The following RNF13 variants were observed in gnomAD, a reference collection of about 807,000 sequenced individuals.
RNF13 encodes the protein E3 ubiquitin-protein ligase RNF13.
Under a neutral mutation model 37.7 loss-of-function variants are expected in RNF13, and 19 were observed. The ratio of observed to expected loss-of-function variants is 0.50; its 90% CI spans 0.35 to 0.74. RNF13 has a LOEUF of 0.74. RNF13 is among the 30% of genes least tolerant of loss of function. The pLI is 0.01. For synonymous variants in RNF13, 144 were observed against 157.8 expected (o/e 0.91, Z 0.65); for missense variants, 375 against 453.0 (o/e 0.83, Z 1.56).
chr3:149,861,689 A>G (rs188391133), intron 3 of RNF13, among the ~76,000 whole-genome samples: 2 of 152,226 alleles, frequency 1.3e-5, no homozygotes, highest in South Asian at 2.1e-4. Context: ...ATGCAGTTAG[A>G]TAGAAGGTAT....
At chr3:149,922,346 G>GTA in intron 8 of RNF13, among the ~76,000 whole-genome samples, 1 of 152,320 alleles carries the variant, frequency 6.6e-6, no homozygotes, top group Non-Finnish European at 1.5e-5. Flanking sequence ...CTAACGCTAA[G>GTA]TAGACTTTCA....
At chr3:149,902,682 C>T (rs1173118638) in intron 6 of RNF13, among the ~76,000 whole-genome samples, 1 of 151,998 alleles carries the variant, frequency 6.6e-6, no homozygotes, top group Non-Finnish European at 1.5e-5. Context: ...AGATAACATA[C>T]AGACTGAAAT....
chr3:149,889,761 T>C (rs1295000991), intron 4 of RNF13, among the ~76,000 whole-genome samples: 1 of 151,290 alleles, frequency 6.6e-6, no homozygotes, highest in Non-Finnish European at 1.5e-5. Flanking sequence ...TTCAAGCAAT[T>C]CTCCTGCCTC....
chr3:149,866,671 T>C (rs1330750829), intron 3 of RNF13, among the ~76,000 whole-genome samples: 4 of 152,224 alleles, frequency 2.6e-5, no homozygotes, highest in African/African-American at 9.6e-5. Context: ...CTGACATGTT[T>C]ATTACTATAA....
In RNF13 at chr3:149,884,866, G is replaced by GT. The variant is rs59667657; in HGVS notation, c.322-10597dup. Among the ~76,000 whole-genome samples, 169 of 144,732 alleles carry GT rather than the reference G, an allele frequency of 1.2e-3. No individual in the cohort carries two copies. The East Asian group carries it at 0.013, about 11-fold the overall frequency. 94.9% of individuals were successfully genotyped at this position (144,732 alleles called of 152,430 possible). A position where few individuals can be genotyped will look rare whatever the true frequency, so the allele number is the denominator to read the frequency against. ...TATTTATTCTGTGTGTGTGTGTGTG[G>GT]TTTTTTTTTTGTACCCATTAACCAT... On this transcript the variant is annotated intron_variant, in intron 4 of 9. Coordinates refer to ENST00000392894, the MANE Select transcript of RNF13 (RefSeq NM_183381.3).
intron 6 of RNF13, among the ~76,000 whole-genome samples, chr3:149,910,485 C>T (rs1228894954): frequency 6.6e-6 from 1 of 151,736 alleles, no homozygotes; most frequent in East Asian, 1.9e-4. Context: ...TGATAGAGCC[C>T]CTTGTGTGTG....
intron 4 of RNF13, among the ~76,000 whole-genome samples, chr3:149,889,292 CGTGTGTGTGTGTGTGTGTGTGT>C (rs376618726): frequency 4.9e-4 from 68 of 138,222 alleles, no homozygotes; most frequent in African/African-American, 1.9e-3. Flanking sequence ...TTTGAGTGTG[CGTGTGTGTGTGTGTGTGTGTGT>C]GTGTGTGTGT....
At chr3:149,856,218 T>G (rs1411570048) in intron 3 of RNF13, among the ~76,000 whole-genome samples, 1 of 152,024 alleles carries the variant, frequency 6.6e-6, no homozygotes, top group Admixed American at 6.5e-5. Flanking sequence ...TATTGGATTA[T>G]TATGGGTAGC....
intron 9 of RNF13, among the ~76,000 whole-genome samples, chr3:149,960,439 A>C (rs1342116118): frequency 2.0e-5 from 3 of 151,990 alleles, no homozygotes; most frequent in Non-Finnish European, 4.4e-5. Context: ...AAAATACAAA[A>C]AATTAGCTGG....
At chr3:149,851,742 C>T (rs1256868948) in intron 2 of RNF13, 4 of 152,172 alleles carry the variant, frequency 2.6e-5, no homozygotes, top group Admixed American at 2.6e-4. Context: ...TGTTTACTAT[C>T]TATGAAACTC....
chr3:149,937,624 T>G (rs1719834174), intron 8 of RNF13, among the ~76,000 whole-genome samples: 1 of 152,196 alleles, frequency 6.6e-6, no homozygotes, highest in African/African-American at 2.4e-5. Context: ...TGTATTTTTA[T>G]TTTCACTTAG....
chr3:149,846,635 A>T (rs549638788), intron 2 of RNF13, among the ~76,000 whole-genome samples: 1 of 152,236 alleles, frequency 6.6e-6, no homozygotes, highest in Non-Finnish European at 1.5e-5. Context: ...CTTCATATCT[A>T]ATGTAAGATC....
chr3:149,931,508 T>C (rs760017755), intron 8 of RNF13, among the ~76,000 whole-genome samples: 9 of 152,190 alleles, frequency 5.9e-5, no homozygotes, highest in Non-Finnish European at 1.3e-4. Flanking sequence ...CTAACATATA[T>C]ATATTCAGTG....
chr3:149,842,324 G>C (rs947340244), intron 1 of RNF13, among the ~76,000 whole-genome samples: 11 of 152,076 alleles, frequency 7.2e-5, no homozygotes, highest in African/African-American at 2.7e-4. Flanking sequence ...TCTCACTGTG[G>C]TCTTCCTTCT....
chr3:149,886,711 A>G (rs1207979318), intron 4 of RNF13, among the ~76,000 whole-genome samples: 1 of 152,180 alleles, frequency 6.6e-6, no homozygotes, highest in East Asian at 1.9e-4. Flanking sequence ...TTTTAACCTG[A>G]AGTATGATGT....
Position 149,895,468 on chromosome 3 carries a change from T to C in RNF13, c.322-5T>C. 1 of 1,519,330 alleles carries C rather than the reference T, an allele frequency of 6.6e-7. No homozygotes were observed. The highest frequency in any genetic ancestry group is 8.9e-7 in the Non-Finnish European group (1 of 1,119,138). 94.1% of individuals were successfully genotyped at this position (1,519,330 alleles called of 1,614,324 possible). A position where few individuals can be genotyped will look rare whatever the true frequency, so the allele number is the denominator to read the frequency against. The stretch of plus-strand genomic sequence containing the variant: ...TAATTTTTTTTTTTTTTTTTTGCTT[T>C]GCAGGTTTTAAATGCACAGAGAGCA... On this transcript the variant is annotated splice_region_variant and splice_polypyrimidine_tract_variant and intron_variant, in intron 4 of 9. Coordinates refer to ENST00000392894, the MANE Select transcript of RNF13 (RefSeq NM_183381.3).
At chr3:149,918,331 C>A (rs2108530462) in intron 7 of RNF13, among the ~76,000 whole-genome samples, 1 of 152,198 alleles carries the variant, frequency 6.6e-6, no homozygotes, top group Admixed American at 6.5e-5. Flanking sequence ...CTATAGTCTT[C>A]TAAATTTTTT....
intron 4 of RNF13, among the ~76,000 whole-genome samples, chr3:149,885,344 C>T (rs1713904297): frequency 6.6e-6 from 1 of 152,188 alleles, no homozygotes; most frequent in South Asian, 2.1e-4. Flanking sequence ...TACATTCCTA[C>T]CAACAGTGTA....
At chr3:149,845,559 A>G (rs1434572153) in intron 1 of RNF13, among the ~76,000 whole-genome samples, 2 of 152,230 alleles carry the variant, frequency 1.3e-5, no homozygotes, top group East Asian at 3.8e-4. Context: ...GGTACAATAT[A>G]CAATAGCAAA....
Sources: gnomAD v4.1 joint callset for allele counts (sites outside exome capture counted in the v4.1 genomes callset) on GRCh38, gnomAD v4.1.1 for gene constraint, MANE v1.5 for transcripts, NCBI Gene and HGNC (gene_info 2026-07-23, HGNC 2026-07-21) for gene names.